ADAMTSL1: variants seen among roughly 807,000 people sequenced by gnomAD.
The protein encoded by ADAMTSL1 is ADAMTS like 1, also known as ADAMTS-like protein 1.
A neutral mutation model predicts 201.8 loss-of-function variants in ADAMTSL1; 126 were observed. The ratio of observed to expected loss-of-function variants is 0.62; its 90% CI spans 0.54 to 0.72. ADAMTSL1 has a LOEUF of 0.72. Among genes scored for constraint, ADAMTSL1 ranks in the 30% least tolerant of loss-of-function variants. The probability of loss-of-function intolerance (pLI) is 0.00; values close to 1 mark genes in which losing one functional copy is unlikely to be tolerated. For synonymous variants in ADAMTSL1, 1,121 were observed against 903.4 expected (o/e 1.24, Z -4.32); for missense variants, 2,679 against 2,277.8 (o/e 1.18, Z -3.59).
chr9:18,838,607 G>T (rs1321829146), intron 23 of ADAMTSL1, among the ~76,000 whole-genome samples: 1 of 152,054 alleles, frequency 6.6e-6, no homozygotes, highest in Non-Finnish European at 1.5e-5. Flanking sequence ...TGGGAGGATT[G>T]CTTGAGGTCA....
chr9:18,530,479 C>T (rs1437702481), intron 2 of ADAMTSL1, among the ~76,000 whole-genome samples: 1 of 152,094 alleles, frequency 6.6e-6, no homozygotes, highest in East Asian at 1.9e-4. Flanking sequence ...TTGTGTATTA[C>T]AAAGTTCAAA....
intron 2 of ADAMTSL1, among the ~76,000 whole-genome samples, chr9:18,455,628 C>A (rs892152316): frequency 6.6e-6 from 1 of 152,010 alleles, no homozygotes; most frequent in African/African-American, 2.4e-5. Flanking sequence ...ATTCACTTTC[C>A]TTCTTCAGAC....
chr9:18,816,271 CAG>C (rs1297779866), intron 20 of ADAMTSL1, among the ~76,000 whole-genome samples: 2 of 152,122 alleles, frequency 1.3e-5, no homozygotes, highest in Non-Finnish European at 2.9e-5. Context: ...TTTTTTGAGA[CAG>C]AGTCTCACCC....
At chr9:18,662,469 G>A (rs1261309287) in intron 9 of ADAMTSL1, among the ~76,000 whole-genome samples, 1 of 152,114 alleles carries the variant, frequency 6.6e-6, no homozygotes, top group African/African-American at 2.4e-5. Context: ...CCCGATCAGG[G>A]ACAAGATCAG....
rs761035900 is a variant in ADAMTSL1 at position 18,889,664 on chromosome 9, C to G, written c.4559C>G (p.Thr1520Arg). The change falls in exon 25 of 29, where the codon ACG becomes AGG. Residue 1520 changes from threonine (T) to arginine (R), a missense_variant. By Grantham distance (71) the Thr-to-Arg change is moderately conservative. Transcript: ENST00000380548. ...QPRLRCLLNS[T>R]EVNPAHCAGK... Reference sequence around the variant, plus strand: ...CGCTTGAGGTGCCTGCTGAACAGCACGGAGGTCAACCCTGCCCACTGCGCA... The same window carrying G: ...CGCTTGAGGTGCCTGCTGAACAGCAGGGAGGTCAACCCTGCCCACTGCGCA... 2 of 1,610,620 alleles carry G rather than the reference C, an allele frequency of 1.2e-6. No individual in the cohort carries two copies. The highest frequency in any genetic ancestry group is 1.7e-6 in the Non-Finnish European group (2 of 1,178,504).
intron 23 of ADAMTSL1, among the ~76,000 whole-genome samples, chr9:18,875,621 A>G (rs1435854137): frequency 2.6e-5 from 4 of 152,178 alleles, no homozygotes; most frequent in Non-Finnish European, 5.9e-5. Context: ...AGTACTTGAT[A>G]TAATTTTGAT....
Position 18,384,135 on chromosome 9 carries a change from TA to T in ADAMTSL1, c.208-120692del, listed in dbSNP as rs377446899. The stretch of plus-strand genomic sequence containing the variant: ...GGGTAATTCAAGAAGAAAAGATGTT[TA>T]ATTGACTCACAGTTACATATGCTGT... On this transcript the variant is annotated intron_variant, in intron 2 of 29. Transcript: ENST00000680146. 4.3e-3 allele frequency among the ~76,000 whole-genome samples: 649 copies of T among 152,294 alleles called. 10 individuals carry two copies. Among genetic ancestry groups the T allele is most frequent in the African/African-American group, 0.015 (609 of 41,576 alleles).
intron 1 of ADAMTSL1, among the ~76,000 whole-genome samples, chr9:18,146,012 T>G (rs961813499): frequency 1.3e-5 from 2 of 151,828 alleles, no homozygotes; most frequent in Non-Finnish European, 2.9e-5. Context: ...ACTAGGAAAA[T>G]GCAAATTAAA....
chr9:18,279,392 A>T (rs1832701172), intron 2 of ADAMTSL1, among the ~76,000 whole-genome samples: 1 of 151,444 alleles, frequency 6.6e-6, no homozygotes, highest in Admixed American at 6.6e-5. Context: ...GAATTATCTA[A>T]GTTTGTGGAT....
At chr9:18,479,507 A>G (rs1821619296) in intron 1 of ADAMTSL1, among the ~76,000 whole-genome samples, 1 of 152,224 alleles carries the variant, frequency 6.6e-6, no homozygotes. Context: ...AATTCTACCC[A>G]TATATAGCTA....
chr9:18,865,393 G>A (rs1262826244), intron 23 of ADAMTSL1, among the ~76,000 whole-genome samples: 1 of 152,120 alleles, frequency 6.6e-6, no homozygotes, highest in East Asian at 1.9e-4. Flanking sequence ...TGGCTGCATT[G>A]TATTCCATGG....
intron 23 of ADAMTSL1, among the ~76,000 whole-genome samples, chr9:18,868,356 G>A (rs566043710): frequency 9.2e-5 from 14 of 152,186 alleles, no homozygotes; most frequent in East Asian, 1.9e-4. Flanking sequence ...TTGACTTGTC[G>A]AGTAATATTT....
At chr9:18,001,876 T>C (rs1044831177) in intron 1 of ADAMTSL1, among the ~76,000 whole-genome samples, 57 of 151,672 alleles carry the variant, frequency 3.8e-4, no homozygotes, top group African/African-American at 1.3e-3. Context: ...AAAGAGAAGT[T>C]TGAGTTGAGC....
intron 2 of ADAMTSL1, among the ~76,000 whole-genome samples, chr9:18,525,119 G>T (rs866587466): frequency 1.3e-5 from 2 of 152,172 alleles, no homozygotes; most frequent in East Asian, 1.9e-4. Context: ...CAATTTCAGA[G>T]CCTGTTATTG....
At chr9:18,589,865 T>C (rs767743864) in intron 4 of ADAMTSL1, among the ~76,000 whole-genome samples, 2 of 152,176 alleles carry the variant, frequency 1.3e-5, no homozygotes, top group Non-Finnish European at 2.9e-5. Context: ...ATGTACTGTA[T>C]CATTATTAAT....
In ADAMTSL1 at chr9:18,889,703, C is replaced by G. The variant is rs1226947715; in HGVS notation, c.4598C>G (p.Pro1533Arg). 6.3e-7 allele frequency: 1 copy of G among 1,579,004 alleles called. No homozygotes were observed. Among genetic ancestry groups the G allele is most frequent in the East Asian group, 2.3e-5 (1 of 43,236 alleles). The part of the protein sequence containing the change: ...NPAHCAGKVR[P>R]AVQPIACNRR... ...GCCCACTGCGCAGGGAAGGTTCGCC[C>G]TGCGGTGCAGCCCATCGCGTGCAAC... Residue 1533 changes from proline to arginine, a missense_variant, in exon 25 of 29, where the codon CCT (proline) becomes CGT (arginine). Coordinates refer to ENST00000380548, the MANE Select transcript of ADAMTSL1 (RefSeq NM_001040272.6).
intron 2 of ADAMTSL1, among the ~76,000 whole-genome samples, chr9:18,183,034 T>C (rs1828571465): frequency 2.6e-5 from 4 of 152,216 alleles, no homozygotes. Context: ...TTAATTCCTA[T>C]ATGTTATTGC....
At chr9:18,363,264 G>A (rs1177753460) in intron 2 of ADAMTSL1, among the ~76,000 whole-genome samples, 1 of 152,194 alleles carries the variant, frequency 6.6e-6, no homozygotes, top group Non-Finnish European at 1.5e-5. Flanking sequence ...CAGGCATCCT[G>A]CCACAAATTG....
At chr9:18,596,516 C>T (rs1824273046) in intron 4 of ADAMTSL1, among the ~76,000 whole-genome samples, 1 of 152,118 alleles carries the variant, frequency 6.6e-6, no homozygotes, top group Non-Finnish European at 1.5e-5. Flanking sequence ...GCCTCAGCCT[C>T]CTGAGTAGCT....
Sources: gnomAD v4.1 joint callset for allele counts (sites outside exome capture counted in the v4.1 genomes callset) on GRCh38, gnomAD v4.1.1 for gene constraint, MANE v1.5 for transcripts, NCBI Gene and HGNC (gene_info 2026-07-23, HGNC 2026-07-21) for gene names.